MAGI1: variants seen among roughly 807,000 people sequenced by gnomAD.
MAGI1 encodes membrane-associated guanylate kinase, WW and PDZ domain-containing protein 1.
Under a neutral mutation model 139.9 loss-of-function variants are expected in MAGI1, and 58 were observed. The ratio of observed to expected loss-of-function variants is 0.41; its 90% CI spans 0.34 to 0.52. The LOEUF is 0.52. MAGI1 is among the 20% of genes least tolerant of loss of function. The pLI is 0.12. For missense variants in MAGI1, 1,874 were observed against 1,901.6 expected, an observed-to-expected ratio of 0.99 and a Z score of 0.27; for synonymous variants, 812 against 737.9, an observed-to-expected ratio of 1.10 and a Z score of -1.63.
At chr3:65,457,087 C>CT (rs754451640) in intron 5 of MAGI1, among the ~76,000 whole-genome samples, 41 of 152,204 alleles carry the variant, frequency 2.7e-4, no homozygotes, top group Non-Finnish European at 4.7e-4. Context: ...TACAAAAAGA[C>CT]TGAGATTTTG....
At chr3:65,894,202 A>G (rs62245750) in intron 1 of MAGI1, among the ~76,000 whole-genome samples, 8,091 of 152,258 alleles carry the variant, frequency 0.053, 291 homozygotes, top group Middle Eastern at 0.13. Flanking sequence ...CACAACCCCT[A>G]AATAACAATC....
chr3:65,850,904 C>T lies in MAGI1; in HGVS notation c.313+187092G>A, dbSNP rs6445510. On this transcript the variant is annotated intron_variant, in intron 1 of 22. Coordinates refer to ENST00000402939, the MANE Select transcript of MAGI1 (RefSeq NM_001033057.2). ...GGCGGATCACCTGAGGTCAGGAGTT[C>T]GAGACCAGCCTGGCCAACATGGTGA... 8.0e-3 allele frequency among the ~76,000 whole-genome samples: 1,217 copies of T among 151,710 alleles called. 17 individuals carry two copies. Among genetic ancestry groups the T allele is most frequent in the African/African-American group, 0.028 (1,142 of 41,362 alleles).
intron 1 of MAGI1, among the ~76,000 whole-genome samples, chr3:65,857,197 G>A (rs996215160): frequency 2.0e-5 from 3 of 150,948 alleles, no homozygotes; most frequent in African/African-American, 7.3e-5. Flanking sequence ...AGGAAACAGA[G>A]CTAATCTTTA....
intron 10 of MAGI1, among the ~76,000 whole-genome samples, chr3:65,433,297 G>A (rs1203137034): frequency 1.3e-5 from 2 of 152,060 alleles, no homozygotes; most frequent in South Asian, 2.1e-4. Flanking sequence ...GTTAGAAAAC[G>A]TGAAAATGTG....
At chr3:65,710,993 C>G (rs1263426862) in intron 1 of MAGI1, among the ~76,000 whole-genome samples, 1 of 152,118 alleles carries the variant, frequency 6.6e-6, no homozygotes, top group Non-Finnish European at 1.5e-5. Context: ...GTAACTCATC[C>G]CACTAGATGG....
intron 2 of MAGI1, among the ~76,000 whole-genome samples, chr3:65,530,611 C>T (rs1204854340): frequency 2.9e-5 from 4 of 136,922 alleles, no homozygotes; most frequent in Non-Finnish European, 4.6e-5. Context: ...AAGACACATA[C>T]GTATGTGTGT....
At chr3:65,787,774 G>T (rs1301858939) in intron 1 of MAGI1, among the ~76,000 whole-genome samples, 1 of 151,916 alleles carries the variant, frequency 6.6e-6, no homozygotes, top group Non-Finnish European at 1.5e-5. Context: ...TGATAACACC[G>T]CTGAATGTTA....
chr3:65,872,436 TTC>T (rs2059970058), intron 1 of MAGI1, among the ~76,000 whole-genome samples: 1 of 152,198 alleles, frequency 6.6e-6, no homozygotes, highest in African/African-American at 2.4e-5. Context: ...CTTCATCAAT[TTC>T]TCTTTCTCTT....
chr3:65,443,182 C>T (rs768418727), intron 7 of MAGI1, among the ~76,000 whole-genome samples: 9 of 152,016 alleles, frequency 5.9e-5, no homozygotes, highest in South Asian at 2.1e-4. Flanking sequence ...TAAATGTTTA[C>T]GGTTTTCTCA....
rs528892605 is a variant in MAGI1 at position 65,395,770 on chromosome 3, C to T, written c.2200-4412G>A. On this transcript the variant is annotated intron_variant, in intron 13 of 22. Coordinates refer to ENST00000402939, the MANE Select transcript of MAGI1 (RefSeq NM_001033057.2). ...CATAACGCATGAGCCCTGTGGGCTA[C>T]GTAAGGAGTTTGGGTTTCATTCTTA... is the stretch of plus-strand genomic sequence containing the variant. 5.3e-5 allele frequency among the ~76,000 whole-genome samples: 8 copies of T among 151,458 alleles called. No individual in the cohort carries two copies. In the South Asian group the frequency reaches 8.4e-4, roughly 16 times the overall value.
At position 65,901,504 on chromosome 3, in the gene MAGI1, T is replaced by C. The variant is rs572702598; in HGVS notation, c.313+136492A>G. Among the ~76,000 whole-genome samples the C allele has an allele frequency of 1.8e-4, 27 of 152,308 alleles. No individual in the cohort carries two copies. The East Asian group carries it at 3.1e-3, about 17-fold the overall frequency. On this transcript the variant is annotated intron_variant, in intron 1 of 22. Transcript: ENST00000402939. ...GCAAAACGCTGCAAAGGGGAAGCAA[T>C]TGGAAGTTGGCTGAGATGAAGTTAT... is the stretch of plus-strand genomic sequence containing the variant.
chr3:65,964,307 G>T (rs1189224151), intron 1 of MAGI1, among the ~76,000 whole-genome samples: 1 of 152,118 alleles, frequency 6.6e-6, no homozygotes, highest in Non-Finnish European at 1.5e-5. Flanking sequence ...AACTGTGGGA[G>T]TATCACCTCC....
chr3:65,850,152 AT>A (rs551925789), intron 1 of MAGI1, among the ~76,000 whole-genome samples: 11 of 152,186 alleles, frequency 7.2e-5, no homozygotes, highest in African/African-American at 2.7e-4. Flanking sequence ...ATATAAAAAA[AT>A]AGTGCTAATT....
At chr3:65,471,499 G>A (rs754947336) in intron 4 of MAGI1, among the ~76,000 whole-genome samples, 1 of 152,124 alleles carries the variant, frequency 6.6e-6, no homozygotes, top group Non-Finnish European at 1.5e-5. Flanking sequence ...TCTGAAAGCT[G>A]GATGGAAGAC....
intron 1 of MAGI1, among the ~76,000 whole-genome samples, chr3:65,875,865 C>T (rs1328334622): frequency 2.0e-5 from 3 of 152,262 alleles, no homozygotes; most frequent in Admixed American, 2.0e-4. Context: ...CCGCTGTTAT[C>T]CTCATTGCAC....
intron 1 of MAGI1, among the ~76,000 whole-genome samples, chr3:65,752,547 G>A (rs554914429): frequency 5.8e-4 from 89 of 152,266 alleles, no homozygotes; most frequent in Non-Finnish European, 5.3e-4. Context: ...AATCTCAGAG[G>A]TATAATTTCT....
At chr3:65,790,813 G>A (rs2039710653) in intron 1 of MAGI1, among the ~76,000 whole-genome samples, 1 of 152,178 alleles carries the variant, frequency 6.6e-6, no homozygotes. Flanking sequence ...GGTGACTCAT[G>A]CCTGTAATCC....
At position 65,375,899 on chromosome 3, in the gene MAGI1, C is replaced by T. The variant is rs1390474343; in HGVS notation, c.3042G>A (p.Glu1014=). ...AMPHKIGRII[E]GSPADRCGKL... is the part of the protein sequence containing the mutation. ...TGCCACAGCGGTCAGCAGGGCTCCC[C>T]TCAATAATCCGACCTATTTTGTGAG... is the stretch of plus-strand genomic sequence containing the variant. The change falls in exon 18 of 23, where the codon GAG becomes GAA. Residue 1014 remains glutamate, a synonymous_variant. Coordinates refer to ENST00000402939, the MANE Select transcript of MAGI1 (RefSeq NM_001033057.2). 1 of 1,614,056 alleles carries T rather than the reference C, an allele frequency of 6.2e-7. No homozygotes were observed.
rs576860986 is a variant in MAGI1 at position 65,837,046 on chromosome 3, G to C, written c.313+200950C>G. Among the ~76,000 whole-genome samples, 3 of 152,174 alleles carry C rather than the reference G, an allele frequency of 2.0e-5. No homozygotes were observed. The East Asian group carries it at 5.8e-4, about 29-fold the overall frequency. On this transcript the variant is annotated intron_variant, in intron 1 of 22. Coordinates refer to ENST00000402939, the MANE Select transcript of MAGI1 (RefSeq NM_001033057.2). Reference sequence around the variant, plus strand: ...ATAGGTCCTAAATGTGACACCTTTTGGAAGAGGTTCCTAAGAAGTAACTAC... The same window carrying C: ...ATAGGTCCTAAATGTGACACCTTTTCGAAGAGGTTCCTAAGAAGTAACTAC...
Sources: allele counts gnomAD v4.1 joint callset (sites outside exome capture counted in the v4.1 genomes callset), GRCh38; gene constraint gnomAD v4.1.1; transcripts MANE v1.5; gene names NCBI Gene and HGNC (gene_info 2026-07-23, HGNC 2026-07-21).